The following PCDHA3 variants were observed in gnomAD, a reference collection of about 807,000 sequenced individuals.
PCDHA3 encodes the protein protocadherin alpha 3, also known as protocadherin alpha-3.
Under a neutral mutation model 62.2 loss-of-function variants are expected in PCDHA3, and 41 were observed. The observed-to-expected ratio is 0.66, with a 90% CI of 0.51 to 0.86. The LOEUF (loss-of-function observed/expected upper bound fraction) is 0.86, where lower values mean the gene tolerates loss of function less well. PCDHA3 is among the 40% of genes least tolerant of loss of function. The pLI, the probability that PCDHA3 is intolerant of heterozygous loss-of-function variation, is 0.00. For missense variants in PCDHA3, 1,304 were observed against 1,241.2 expected (o/e 1.05, Z -0.76); for synonymous variants, 640 against 555.4 (o/e 1.15, Z -2.14).
chr5:140,902,621 TATTTAGTGGTG>T (rs2069605868), intron 1 of PCDHA3, among the ~76,000 whole-genome samples: 1 of 152,154 alleles, frequency 6.6e-6, no homozygotes, highest in Non-Finnish European at 1.5e-5. Context: ...ATGGGTAAGT[TATTTAGTGGTG>T]ATTTCTGAGA....
At chr5:140,975,056 A>G (rs1006106436) in intron 1 of PCDHA3, among the ~76,000 whole-genome samples, 3 of 152,154 alleles carry the variant, frequency 2.0e-5, no homozygotes, top group Non-Finnish European at 4.4e-5. Flanking sequence ...AGAATCTACT[A>G]TCGAGCTCAT....
chr5:140,824,954 A>G (rs1230853437), intron 1 of PCDHA3: 1 of 152,086 alleles, frequency 6.6e-6, no homozygotes, highest in East Asian at 1.9e-4. Context: ...TAAAAATTAT[A>G]TTTTTCATTT....
chr5:140,873,246 T>C (rs1554166632), intron 1 of PCDHA3, among the ~76,000 whole-genome samples: 1 of 152,142 alleles, frequency 6.6e-6, no homozygotes, highest in African/African-American at 2.4e-5. Flanking sequence ...ATATAAAATA[T>C]TTCAGACTCA....
In PCDHA3 at chr5:140,876,240, A is replaced by G. The variant is rs375639572; in HGVS notation, c.2394+72649A>G. 7.0e-5 allele frequency: 113 copies of G among 1,613,906 alleles called. No homozygotes were observed. The highest frequency in any genetic ancestry group is 8.3e-5 in the Admixed American group (5 of 60,008). Reference sequence around the variant, plus strand: ...AAGTAGTGTTGTCTGAAAATGTCCAAAACGACACAAGAGTGATCCAACTAA... The same window carrying G: ...AAGTAGTGTTGTCTGAAAATGTCCAGAACGACACAAGAGTGATCCAACTAA... On this transcript the variant is annotated intron_variant, in intron 1 of 3. Coordinates refer to ENST00000522353, the MANE Select transcript of PCDHA3 (RefSeq NM_018906.3).
At chr5:140,876,947 A>G in intron 1 of PCDHA3, 5 of 1,613,496 alleles carry the variant, frequency 3.1e-6, no homozygotes, top group South Asian at 1.1e-5. Flanking sequence ...CTGGTGTCCT[A>G]CTCGCTGGTG....
chr5:140,881,220 G>A (rs1437715335), intron 1 of PCDHA3: 1 of 247,310 alleles, frequency 4.0e-6, no homozygotes, highest in Non-Finnish European at 6.5e-6. Context: ...TTGTTTCTTG[G>A]AAAATTAAAG....
chr5:140,806,454 A>G (rs535584535), intron 1 of PCDHA3, among the ~76,000 whole-genome samples: 1 of 152,232 alleles, frequency 6.6e-6, no homozygotes, highest in Non-Finnish European at 1.5e-5. Flanking sequence ...GCTATTTGCT[A>G]TAACTTCCTG....
chr5:140,840,468 A>G (rs2150307012), intron 1 of PCDHA3, among the ~76,000 whole-genome samples: 2 of 151,992 alleles, frequency 1.3e-5, no homozygotes, highest in Non-Finnish European at 2.9e-5. Context: ...AAGTTGGGGA[A>G]AAAAGTTTAA....
rs2150128291 is a variant in PCDHA3, at chr5:140,823,697, C to G, written c.2394+20106C>G. On this transcript the variant is annotated intron_variant, in intron 1 of 3. Coordinates refer to ENST00000522353, the MANE Select transcript of PCDHA3 (RefSeq NM_018906.3). ...ACACGCTCTCTGGATGAGACCGAAG[C>G]ACCGCGCCACCGCCTTCTGGTGCTG... 29 of 1,613,838 alleles carry G rather than the reference C, an allele frequency of 1.8e-5. No individual in the cohort carries two copies. The highest frequency in any genetic ancestry group is 2.3e-5 in the Non-Finnish European group (27 of 1,179,946).
chr5:140,812,105 AG>A (rs2126635357), intron 1 of PCDHA3: 2 of 151,698 alleles, frequency 1.3e-5, no homozygotes, highest in South Asian at 2.1e-4. Context: ...CTTCTTTAAA[AG>A]TTTGGTAGAA....
chr5:140,930,394 T>C (rs531643898), intron 1 of PCDHA3: 1 of 145,356 alleles, frequency 6.9e-6, no homozygotes, highest in South Asian at 2.2e-4. Flanking sequence ...TCAAAACTTC[T>C]TTTTTTTTTT....
chr5:140,933,734 T>C (rs1355766834), intron 1 of PCDHA3, among the ~76,000 whole-genome samples: 2 of 152,062 alleles, frequency 1.3e-5, no homozygotes, highest in Admixed American at 6.5e-5. Flanking sequence ...CTTTCTTAAA[T>C]ATTTGGTAGA....
intron 1 of PCDHA3, chr5:140,807,459 A>G (rs1554124027): frequency 6.2e-7 from 1 of 1,608,048 alleles, no homozygotes; most frequent in Admixed American, 1.7e-5. Flanking sequence ...TCTCGGATCG[A>G]CCGGGAGGAG....
intron 1 of PCDHA3, chr5:140,967,751 T>G: frequency 6.2e-7 from 1 of 1,614,138 alleles, no homozygotes; most frequent in African/African-American, 1.3e-5. Context: ...TGAGGAAGCC[T>G]CCTCCTACCA....
intron 1 of PCDHA3, chr5:140,967,227 A>G (rs1586199202): frequency 1.2e-6 from 2 of 1,613,742 alleles, no homozygotes; most frequent in Admixed American, 1.7e-5. Flanking sequence ...CCCAACTACC[A>G]GCTTCAGGTA....
intron 1 of PCDHA3, among the ~76,000 whole-genome samples, chr5:140,901,883 C>G (rs1206318073): frequency 5.3e-5 from 8 of 152,038 alleles, no homozygotes; most frequent in Non-Finnish European, 1.0e-4. Flanking sequence ...CTTTCATCAG[C>G]ATTTTATATT....
intron 1 of PCDHA3, chr5:140,884,353 T>C: frequency 1.2e-6 from 2 of 1,613,886 alleles, no homozygotes; most frequent in Non-Finnish European, 1.7e-6. Context: ...CGCTGGTGGA[T>C]GTCAATGTTT....
chr5:140,929,436 C>T, intron 1 of PCDHA3: 1 of 1,470,330 alleles, frequency 6.8e-7, no homozygotes, highest in Non-Finnish European at 9.1e-7. Context: ...TTGAACTAAA[C>T]ACTCCTTCTT....
chr5:140,978,974 G>T lies in PCDHA3; in HGVS notation c.2420G>T (p.Arg807Leu). ...AKPRQPNPDW[R>L]YSASLRAGMH... is the part of the protein sequence containing the mutation. ...CCACGACAGCCCAACCCTGACTGGC[G>T]TTACTCTGCCTCCCTGAGAGCAGGC... Residue 807 changes from arginine to leucine, a missense_variant, in exon 2 of 4, where the codon CGT becomes CTT. Arg to Leu is a moderately radical substitution (Grantham distance 102, BLOSUM62 -2). Coordinates refer to ENST00000522353, the MANE Select transcript of PCDHA3 (RefSeq NM_018906.3). 6.2e-7 allele frequency: 1 copy of T among 1,614,130 alleles called. No individual in the cohort carries two copies. Among genetic ancestry groups the T allele is most frequent in the East Asian group, 2.2e-5 (1 of 44,882 alleles).
Sources: gnomAD v4.1 joint callset for allele counts (sites outside exome capture counted in the v4.1 genomes callset) on GRCh38, gnomAD v4.1.1 for gene constraint, MANE v1.5 for transcripts, NCBI Gene and HGNC (gene_info 2026-07-23, HGNC 2026-07-21) for gene names.